Variants in ARF4 observed in about 807,000 individuals in gnomAD.
ARF4 encodes ADP-ribosylation factor 4.
A neutral mutation model predicts 24.3 loss-of-function variants in ARF4; 5 were observed. The observed-to-expected ratio is 0.21, with a 90% CI of 0.11 to 0.43. The LOEUF (loss-of-function observed/expected upper bound fraction) is 0.43. Among genes scored for constraint, ARF4 ranks in the 20% least tolerant of loss-of-function variants. The pLI, the probability that ARF4 is intolerant of heterozygous loss-of-function variation, is 1.00. For synonymous variants in ARF4, 62 were observed against 73.5 expected, an observed-to-expected ratio of 0.84 and a Z score of 0.80; for missense variants, 107 against 213.0, an observed-to-expected ratio of 0.50 and a Z score of 3.10.
chr3:57,593,404 A>C (rs2070137788), intron 1 of ARF4, among the ~76,000 whole-genome samples: 1 of 152,170 alleles, frequency 6.6e-6, no homozygotes, highest in Non-Finnish European at 1.5e-5. Context: ...CTAAGAAACA[A>C]ATATAAAACA....
At chr3:57,596,825 G>A (rs73084426) in intron 1 of ARF4, 68,656 of 497,936 alleles carry the variant, frequency 0.14, 5,292 homozygotes, top group South Asian at 0.21. Flanking sequence ...AGATCAAGGA[G>A]AAAAAGCCGA....
rs370576910 is a variant in ARF4, at chr3:57,572,184, A to G, written c.*28T>C. 1.5e-4 allele frequency: 233 copies of G among 1,578,058 alleles called. No individual in the cohort carries two copies. The highest frequency in any genetic ancestry group is 2.0e-4 in the Non-Finnish European group (224 of 1,147,778). On this transcript the variant is annotated 3_prime_UTR_variant, in exon 6 of 6. Coordinates refer to ENST00000303436, the MANE Select transcript of ARF4 (RefSeq NM_001660.4). ...CAAGCCTAGACCAATTTTATCAAAC[A>G]TGTCCTTGGTTAGATATCCAATTTC...
intron 3 of ARF4, among the ~76,000 whole-genome samples, chr3:57,579,972 A>G (rs2069950704): frequency 6.6e-6 from 1 of 152,146 alleles, no homozygotes; most frequent in South Asian, 2.1e-4. Context: ...ATGGTGGCAC[A>G]TGTCTATAGT....
At chr3:57,573,278 A>G (rs2069862660) in intron 5 of ARF4, among the ~76,000 whole-genome samples, 1 of 152,062 alleles carries the variant, frequency 6.6e-6, no homozygotes, top group Admixed American at 6.6e-5. Context: ...CAATTTCACC[A>G]TCTTTAGTCT....
chr3:57,580,881 G>A (rs916029386), intron 3 of ARF4, among the ~76,000 whole-genome samples: 7 of 151,850 alleles, frequency 4.6e-5, no homozygotes, highest in African/African-American at 1.5e-4. Context: ...CCAAAGTGCT[G>A]AGAGTACAGG....
chr3:57,581,583 A>G (rs1575783299), intron 3 of ARF4, among the ~76,000 whole-genome samples: 1 of 152,138 alleles, frequency 6.6e-6, no homozygotes, highest in Middle Eastern at 3.2e-3. Flanking sequence ...GGTGGATCAC[A>G]TGAGGTCAGG....
intron 1 of ARF4, among the ~76,000 whole-genome samples, chr3:57,594,312 G>C (rs2070154707): frequency 1.3e-5 from 2 of 151,888 alleles, no homozygotes; most frequent in South Asian, 4.2e-4. Context: ...TGTTGACCAG[G>C]CTGGCCTCAA....
intron 5 of ARF4, among the ~76,000 whole-genome samples, chr3:57,574,810 G>C (rs2069883354): frequency 6.6e-6 from 1 of 152,030 alleles, no homozygotes; most frequent in South Asian, 2.1e-4. Context: ...CTTGAGTCCA[G>C]GAGTTCAAGA....
intron 1 of ARF4, among the ~76,000 whole-genome samples, chr3:57,591,927 G>T (rs1000132113): frequency 3.3e-5 from 5 of 152,146 alleles, no homozygotes; most frequent in Non-Finnish European, 7.3e-5. Flanking sequence ...TATTACTAAT[G>T]GGTATCAGGT....
chr3:57,572,167 G>A lies in ARF4; in HGVS notation c.*45C>T. ...AACTAATTTTGTTGTAACAAGCCTA[G>A]ACCAATTTTATCAAACATGTCCTTG... On this transcript the variant is annotated 3_prime_UTR_variant, in exon 6 of 6. Coordinates refer to ENST00000303436, the MANE Select transcript of ARF4 (RefSeq NM_001660.4). The A allele has an allele frequency of 6.6e-7, 1 of 1,503,966 alleles. No homozygotes were observed. Among genetic ancestry groups the A allele is most frequent in the South Asian group, 1.1e-5 (1 of 88,754 alleles). 93.2% of individuals were successfully genotyped at this position (1,503,966 alleles called of 1,614,324 possible). A position where few individuals can be genotyped will look rare whatever the true frequency, so the allele number is the denominator to read the frequency against.
intron 5 of ARF4, 84 bp downstream of exon 5, chr3:57,575,464 A>G (rs2069892255): frequency 7.5e-7 from 1 of 1,342,214 alleles, no homozygotes; most frequent in Non-Finnish European, 1.0e-6. Context: ...GAGATAATAA[A>G]TGTTTAAACT....
intron 3 of ARF4, among the ~76,000 whole-genome samples, chr3:57,582,265 C>CA (rs1373712380): frequency 2.7e-5 from 4 of 150,562 alleles, no homozygotes. Context: ...TTTTTTGAGA[C>CA]AGAGTCTCGC....
chr3:57,572,950 C>T (rs1277436415), intron 5 of ARF4, among the ~76,000 whole-genome samples: 1 of 151,982 alleles, frequency 6.6e-6, no homozygotes, highest in African/African-American at 2.4e-5. Flanking sequence ...CACCTGTAAT[C>T]CCAGCACTTT....
chr3:57,587,918 G>C (rs926247128), intron 1 of ARF4, among the ~76,000 whole-genome samples: 3 of 152,070 alleles, frequency 2.0e-5, no homozygotes, highest in African/African-American at 7.2e-5. Context: ...AAGAGTTTTT[G>C]AAAAAGGTAT....
intron 4 of ARF4, among the ~76,000 whole-genome samples, chr3:57,576,504 C>CTTTTTTTTTT (rs376750506): frequency 4.9e-5 from 5 of 101,616 alleles, no homozygotes; most frequent in Non-Finnish European, 9.8e-5. Context: ...CTCAACCAAG[C>CTTTTTTTTTT]TTTTTTTTTT....
chr3:57,575,180 A>T (rs889466877), intron 5 of ARF4, among the ~76,000 whole-genome samples: 1 of 152,106 alleles, frequency 6.6e-6, no homozygotes, highest in Non-Finnish European at 1.5e-5. Context: ...CAAGCAAACA[A>T]ACATTACTGG....
intron 1 of ARF4, among the ~76,000 whole-genome samples, chr3:57,588,905 C>T (rs971360672): frequency 9.9e-5 from 15 of 152,118 alleles, no homozygotes; most frequent in Non-Finnish European, 1.8e-4. Context: ...GAATTAGAGA[C>T]CAGCCTGACC....
intron 3 of ARF4, among the ~76,000 whole-genome samples, chr3:57,580,298 T>C (rs2153408726): frequency 6.6e-6 from 1 of 152,300 alleles, no homozygotes; most frequent in South Asian, 2.1e-4. Flanking sequence ...TAAAAGATCA[T>C]TGTTCTTGGC....
intron 1 of ARF4, among the ~76,000 whole-genome samples, chr3:57,587,540 A>C (rs1196206858): frequency 6.6e-6 from 1 of 151,848 alleles, no homozygotes; most frequent in Non-Finnish European, 1.5e-5. Context: ...TTACCCAAAA[A>C]TCATGTATTA....
Sources: allele counts gnomAD v4.1 joint callset (sites outside exome capture counted in the v4.1 genomes callset), GRCh38; gene constraint gnomAD v4.1.1; transcripts MANE v1.5; gene names NCBI Gene and HGNC (gene_info 2026-07-23, HGNC 2026-07-21).